GLIS3: variants seen among roughly 807,000 people sequenced by gnomAD.
GLIS3 encodes zinc finger protein GLIS3.
A neutral mutation model predicts 78.6 loss-of-function variants in GLIS3; 53 were observed. The observed-to-expected ratio is 0.67, with a 90% CI of 0.54 to 0.85. GLIS3 has a LOEUF of 0.85. Ranked by LOEUF, GLIS3 falls within the 40% of genes least tolerant of loss-of-function variation. The pLI is 0.00. For synonymous variants in GLIS3, 684 were observed against 509.9 expected, an observed-to-expected ratio of 1.34 and a Z score of -4.60; for missense variants, 1,703 against 1,231.1, an observed-to-expected ratio of 1.38 and a Z score of -5.74.
At chr9:4,030,614 CA>C (rs1281480259) in intron 4 of GLIS3, among the ~76,000 whole-genome samples, 13 of 152,230 alleles carry the variant, frequency 8.5e-5, no homozygotes, top group Non-Finnish European at 1.8e-4. Context: ...ATTTTAGAGA[CA>C]GGGGTCAACT....
intron 4 of GLIS3, among the ~76,000 whole-genome samples, chr9:4,026,375 T>C (rs1823349946): frequency 6.6e-6 from 1 of 152,256 alleles, no homozygotes; most frequent in Admixed American, 6.5e-5. Context: ...AATGCTTTTC[T>C]GTTATCATGA....
intron 2 of GLIS3, among the ~76,000 whole-genome samples, chr9:4,183,945 C>G (rs1885237): frequency 6.6e-6 from 1 of 152,044 alleles, no homozygotes; most frequent in African/African-American, 2.4e-5. Context: ...AACTAAGTAG[C>G]TAAATTAGCT....
intron 2 of GLIS3, among the ~76,000 whole-genome samples, chr9:4,313,895 C>A (rs951021375): frequency 1.3e-5 from 2 of 152,212 alleles, no homozygotes; most frequent in Non-Finnish European, 2.9e-5. Flanking sequence ...AGGTCTTACA[C>A]AGGCTTGGGC....
At chr9:4,052,874 G>T (rs1825838090) in intron 4 of GLIS3, among the ~76,000 whole-genome samples, 1 of 152,126 alleles carries the variant, frequency 6.6e-6, no homozygotes, top group African/African-American at 2.4e-5. Flanking sequence ...TAGTAATTCT[G>T]TTTAACCTAT....
chr9:4,014,090 C>T (rs191610394), intron 4 of GLIS3, among the ~76,000 whole-genome samples: 1 of 152,122 alleles, frequency 6.6e-6, no homozygotes, highest in Non-Finnish European at 1.5e-5. Flanking sequence ...CAAGATAACC[C>T]GCATGAACTC....
intron 4 of GLIS3, among the ~76,000 whole-genome samples, chr9:3,989,993 A>G (rs680397): frequency 0.69 from 104,734 of 152,084 alleles, 36,145 homozygotes; most frequent in East Asian, 0.79. Flanking sequence ...GGGAAACTAG[A>G]TAAAGTGTAC....
At chr9:4,461,027 T>C in the GLIS3 span, among the ~76,000 whole-genome samples, 1 of 142,574 alleles carries the variant, frequency 7.0e-6, no homozygotes, top group Non-Finnish European at 1.6e-5. Flanking sequence ...CCAGTCTTAC[T>C]TTTTTTCTGG....
At chr9:4,157,560 T>C (rs548610823) in intron 2 of GLIS3, among the ~76,000 whole-genome samples, 24 of 152,312 alleles carry the variant, frequency 1.6e-4, no homozygotes, top group African/African-American at 5.8e-4. Context: ...CATAGAGGCT[T>C]AAATCAAGTA....
intron 4 of GLIS3, among the ~76,000 whole-genome samples, chr9:4,086,533 G>C (rs967949354): frequency 6.6e-6 from 1 of 152,158 alleles, no homozygotes; most frequent in Admixed American, 6.5e-5. Flanking sequence ...AATTGAAAAA[G>C]GATCTTCCAG....
intron 4 of GLIS3, among the ~76,000 whole-genome samples, chr9:4,066,354 C>A (rs1237257151): frequency 6.6e-6 from 1 of 152,148 alleles, no homozygotes; most frequent in Admixed American, 6.5e-5. Flanking sequence ...CTCTGGAGTG[C>A]ATATTCCTGT....
At chr9:4,208,372 C>T (rs1360978662) in intron 2 of GLIS3, among the ~76,000 whole-genome samples, 1 of 152,234 alleles carries the variant, frequency 6.6e-6, no homozygotes, top group African/African-American at 2.4e-5. Context: ...GCACATCTCC[C>T]TGCAGCTCAG....
intron 8 of GLIS3, among the ~76,000 whole-genome samples, chr9:3,877,261 C>A (rs994721913): frequency 1.2e-4 from 18 of 151,482 alleles, no homozygotes; most frequent in South Asian, 4.2e-4. Flanking sequence ...TTAAAAAAAT[C>A]TTAATTTATA....
At chr9:3,998,465 T>C (rs1820896314) in intron 4 of GLIS3, among the ~76,000 whole-genome samples, 1 of 152,060 alleles carries the variant, frequency 6.6e-6, no homozygotes, top group African/African-American at 2.4e-5. Context: ...TACAATAATG[T>C]ACTTACCTAC....
chr9:4,442,967 C>T, the GLIS3 span, among the ~76,000 whole-genome samples: 1 of 152,116 alleles, frequency 6.6e-6, no homozygotes, highest in Non-Finnish European at 1.5e-5. Context: ...ACTGAGTCAG[C>T]AGGCAGCTTG....
intron 4 of GLIS3, among the ~76,000 whole-genome samples, chr9:4,116,112 C>G (rs1831617762): frequency 6.6e-6 from 1 of 152,176 alleles, no homozygotes; most frequent in Non-Finnish European, 1.5e-5. Flanking sequence ...AATCCTATTG[C>G]ACAAAAATTA....
intron 2 of GLIS3, among the ~76,000 whole-genome samples, chr9:4,231,959 C>T (rs1272787173): frequency 6.6e-6 from 1 of 152,114 alleles, no homozygotes; most frequent in Admixed American, 6.5e-5. Flanking sequence ...GGCAATTTGC[C>T]CAACCAATAC....
At chr9:4,462,892 A>G in the GLIS3 span, among the ~76,000 whole-genome samples, 1 of 152,232 alleles carries the variant, frequency 6.6e-6, no homozygotes, top group Non-Finnish European at 1.5e-5. Context: ...CTTGAAAGTC[A>G]TCAATAGAAA....
chr9:3,983,265 T>G (rs1819452759), intron 4 of GLIS3, among the ~76,000 whole-genome samples: 1 of 152,226 alleles, frequency 6.6e-6, no homozygotes, highest in Non-Finnish European at 1.5e-5. Context: ...TGACTTGCTC[T>G]TCCTTGCCTT....
chr9:4,097,680 C>G (rs1830067258), intron 4 of GLIS3, among the ~76,000 whole-genome samples: 1 of 152,156 alleles, frequency 6.6e-6, no homozygotes, highest in Admixed American at 6.5e-5. Context: ...ATGTGCAGTG[C>G]TATTGTTGTT....
Sources: allele counts gnomAD v4.1 joint callset (sites outside exome capture counted in the v4.1 genomes callset), GRCh38; gene constraint gnomAD v4.1.1; transcripts MANE v1.5; gene names NCBI Gene and HGNC (gene_info 2026-07-23, HGNC 2026-07-21).